OR11A1: variants seen among roughly 807,000 people sequenced by gnomAD.
OR11A1 encodes the protein olfactory receptor 11A1.
For synonymous variants in OR11A1, 158 were observed against 152.2 expected (o/e 1.04, Z -0.28); for missense variants, 380 against 378.2 (o/e 1.00, Z -0.04).
chr6:29,434,106 C>T (rs1183879965), intron 1 of OR11A1, among the ~76,000 whole-genome samples: 1 of 152,158 alleles, frequency 6.6e-6, no homozygotes, highest in African/African-American at 2.4e-5. Context: ...TATTTTCTCT[C>T]AACCTGTGGG....
intron 1 of OR11A1, among the ~76,000 whole-genome samples, chr6:29,434,712 G>T (rs1783500432): frequency 6.6e-6 from 1 of 152,240 alleles, no homozygotes; most frequent in African/African-American, 2.4e-5. Context: ...GACTTTTTAA[G>T]GTCATCAGTT....
rs1475492839 is a variant in OR11A1 at position 29,457,054 on chromosome 6, C to T, written c.-456G>A. 1 of 152,108 alleles carries T rather than the reference C, an allele frequency of 6.6e-6. No homozygotes were observed. The highest frequency in any genetic ancestry group is 6.5e-5 in the Admixed American group (1 of 15,276). The allele number at this position is 152,108 out of a possible 1,614,324, so 9.4% of individuals were successfully genotyped here. ...TTAGTTTCTCCCCATATGTGTGTTTCCATTCACTGCTAGGATGGCTTCCTC... is the reference window on the plus strand; with the variant it reads ...TTAGTTTCTCCCCATATGTGTGTTTTCATTCACTGCTAGGATGGCTTCCTC... On this transcript the variant is annotated 5_prime_UTR_variant, in exon 1 of 5. Transcript: ENST00000377149.
chr6:29,445,017 T>C (rs1784587627), intron 1 of OR11A1, among the ~76,000 whole-genome samples: 1 of 136,538 alleles, frequency 7.3e-6, no homozygotes, highest in Non-Finnish European at 1.5e-5. Context: ...TCTTTCTTTC[T>C]TTTTTTTTGA....
intron 1 of OR11A1, chr6:29,440,700 T>C: frequency 6.2e-7 from 1 of 1,614,150 alleles, no homozygotes; most frequent in South Asian, 1.1e-5. Flanking sequence ...CCGGATCCCA[T>C]CTGTTGCGGG....
chr6:29,435,474 G>A (rs1318264690), intron 1 of OR11A1, among the ~76,000 whole-genome samples: 1 of 152,102 alleles, frequency 6.6e-6, no homozygotes, highest in East Asian at 1.9e-4. Flanking sequence ...AGTCTCCCAT[G>A]TTACTAAAAT....
intron 1 of OR11A1, among the ~76,000 whole-genome samples, chr6:29,452,418 G>A (rs935405463): frequency 1.3e-5 from 2 of 152,012 alleles, no homozygotes; most frequent in African/African-American, 4.8e-5. Flanking sequence ...TTTCAAATTC[G>A]ATAAAAATAG....
chr6:29,436,841 A>G (rs1420896895), intron 1 of OR11A1, among the ~76,000 whole-genome samples: 1 of 152,234 alleles, frequency 6.6e-6, no homozygotes, highest in Non-Finnish European at 1.5e-5. Context: ...CAATAAGAAA[A>G]GATAAAATAC....
In OR11A1 at chr6:29,431,859, C is replaced by T. The variant is rs180978112; in HGVS notation, c.-265+5G>A. 1.0e-5 allele frequency: 10 copies of T among 985,154 alleles called. No homozygotes were observed. In the Admixed American group the frequency reaches 1.8e-4, roughly 18 times the overall value. The allele number at this position is 985,154 out of a possible 1,614,324, so 61.0% of individuals were successfully genotyped here. ...CTGTAAAGAATTTTACAAAAATAAACGTACCCGAAATATCGACCCTGTTCT... is the reference window on the plus strand; with the variant it reads ...CTGTAAAGAATTTTACAAAAATAAATGTACCCGAAATATCGACCCTGTTCT... On this transcript the variant is annotated splice_donor_5th_base_variant and intron_variant, in intron 2 of 4. Transcript: ENST00000377149.
chr6:29,440,299 G>C, intron 1 of OR11A1: 1 of 1,614,056 alleles, frequency 6.2e-7, no homozygotes, highest in South Asian at 1.1e-5. Flanking sequence ...TCTCGCTCTG[G>C]ATGTGCTCTC....
chr6:29,445,653 T>C (rs1165048273), intron 1 of OR11A1, among the ~76,000 whole-genome samples: 1 of 152,080 alleles, frequency 6.6e-6, no homozygotes, highest in Non-Finnish European at 1.5e-5. Flanking sequence ...CTGAGCTCTC[T>C]GGGATTCACA....
At position 29,426,579 on chromosome 6, in the gene OR11A1, A is replaced by G; in HGVS notation, c.*115T>C. On this transcript the variant is annotated 3_prime_UTR_variant, in exon 5 of 5. Coordinates refer to ENST00000377149, the MANE Select transcript of OR11A1 (RefSeq NM_001394828.1). The stretch of plus-strand genomic sequence containing the variant: ...TCATTTTCATTTTTAGTATAACTGC[A>G]GAAGAGTTCAAAGAGAATGGTCGAA... 1 of 728,212 alleles carries G rather than the reference A, an allele frequency of 1.4e-6. No homozygotes were observed. The highest frequency in any genetic ancestry group is 2.2e-6 in the Non-Finnish European group (1 of 453,100). The allele number at this position is 728,212 out of a possible 1,614,324, so 45.1% of individuals were successfully genotyped here.
chr6:29,443,665 G>T (rs762253754), intron 1 of OR11A1, among the ~76,000 whole-genome samples: 31 of 152,158 alleles, frequency 2.0e-4, no homozygotes, highest in Admixed American at 9.8e-4. Flanking sequence ...TAAATACATA[G>T]ATGTGAAATG....
In OR11A1 at chr6:29,440,881, A is replaced by G. The variant is rs773240193; in HGVS notation, c.-388-8894T>C. 5.6e-6 allele frequency: 9 copies of G among 1,613,852 alleles called. No homozygotes were observed. In the East Asian group the frequency reaches 1.8e-4, roughly 32 times the overall value. On this transcript the variant is annotated intron_variant, in intron 1 of 4. Transcript: ENST00000377149. ...ACCCCCATCCTCAACCCCATCATCT[A>G]CAGCCTGCGGAACACAGAGGTCAAA...
chr6:29,435,374 A>G (rs1783552095), intron 1 of OR11A1, among the ~76,000 whole-genome samples: 3 of 152,242 alleles, frequency 2.0e-5, no homozygotes, highest in African/African-American at 7.2e-5. Context: ...CTCAAGTTTG[A>G]CAACCATTTA....
chr6:29,441,040 T>C, intron 1 of OR11A1: 7 of 891,010 alleles, frequency 7.9e-6, no homozygotes, highest in Non-Finnish European at 1.2e-5. Context: ...AGGTCTTTCT[T>C]CACATTAGGG....
chr6:29,440,765 C>G lies in OR11A1; in HGVS notation c.-388-8778G>C, dbSNP rs200931498. On this transcript the variant is annotated intron_variant, in intron 1 of 4. Transcript: ENST00000377149. Reference sequence around the variant, plus strand: ...CCCACCTGATCATGGTCTCCCTCTTCTATGGCACCGCACTCTTTATCTATA... The same window carrying G: ...CCCACCTGATCATGGTCTCCCTCTTGTATGGCACCGCACTCTTTATCTATA... 2.9e-5 allele frequency: 47 copies of G among 1,613,866 alleles called. No individual in the cohort carries two copies. Among genetic ancestry groups the G allele is most frequent in the Non-Finnish European group, 4.2e-6 (5 of 1,179,866 alleles).
chr6:29,432,224 C>T (rs1783278874), intron 1 of OR11A1: 4 of 154,204 alleles, frequency 2.6e-5, no homozygotes, highest in African/African-American at 9.7e-5. Context: ...CATAGCAGGC[C>T]CCTAAGGAAA....
intron 1 of OR11A1, chr6:29,441,046 T>C: frequency 2.4e-6 from 2 of 827,198 alleles, no homozygotes; most frequent in Non-Finnish European, 3.8e-6. Context: ...TTCTTCACAT[T>C]AGGGGAGGGC....
intron 1 of OR11A1, chr6:29,440,272 C>T (rs1456469326): frequency 6.2e-7 from 1 of 1,614,056 alleles, no homozygotes; most frequent in Non-Finnish European, 8.5e-7. Context: ...CACCTCCTTA[C>T]TGGCCGGCGC....
Sources: gnomAD v4.1 joint callset for allele counts (sites outside exome capture counted in the v4.1 genomes callset) on GRCh38, gnomAD v4.1.1 for gene constraint, MANE v1.5 for transcripts, NCBI Gene and HGNC (gene_info 2026-07-23, HGNC 2026-07-21) for gene names.